COL25A1: variants seen among roughly 807,000 people sequenced by gnomAD.
COL25A1 encodes the protein collagen type XXV alpha 1 chain, also known as collagen alpha-1(XXV) chain.
In COL25A1, 103 loss-of-function variants were observed where a neutral mutation model predicts 128.4. The ratio of observed to expected loss-of-function variants is 0.80; its 90% confidence interval spans 0.68 to 0.94. The LOEUF (loss-of-function observed/expected upper bound fraction) is 0.94, where lower values mean the gene tolerates loss of function less well. Ranked by LOEUF, COL25A1 falls within the 40% of genes least tolerant of loss-of-function variation. COL25A1 has a pLI of 0.00. For synonymous variants in COL25A1, 279 were observed against 277.2 expected, an observed-to-expected ratio of 1.01 and a Z score of -0.06; for missense variants, 745 against 840.0, an observed-to-expected ratio of 0.89 and a Z score of 1.40.
At chr4:109,009,293 G>T (rs931738002) in intron 6 of COL25A1, among the ~76,000 whole-genome samples, 3 of 152,076 alleles carry the variant, frequency 2.0e-5, no homozygotes, top group African/African-American at 7.2e-5. Flanking sequence ...TGGAATACAA[G>T]AGTGAAAATC....
intron 8 of COL25A1, among the ~76,000 whole-genome samples, chr4:108,965,678 G>A (rs1289267491): frequency 2.0e-5 from 3 of 152,124 alleles, no homozygotes; most frequent in African/African-American, 4.8e-5. Flanking sequence ...CTTATGAACT[G>A]GGCAAACAAA....
chr4:109,111,102 C>T (rs1030970042), intron 3 of COL25A1, among the ~76,000 whole-genome samples: 2 of 152,172 alleles, frequency 1.3e-5, no homozygotes, highest in Non-Finnish European at 2.9e-5. Context: ...TTTTCTCTAC[C>T]TCCTCCCTGC....
intron 3 of COL25A1, among the ~76,000 whole-genome samples, chr4:109,120,735 A>G (rs1768032399): frequency 6.6e-6 from 1 of 151,862 alleles, no homozygotes; most frequent in Admixed American, 6.6e-5. Flanking sequence ...ATTGAGCCAG[A>G]GGGTGGAAGC....
intron 3 of COL25A1, among the ~76,000 whole-genome samples, chr4:109,069,736 T>C (rs1762755147): frequency 6.6e-6 from 1 of 152,136 alleles, no homozygotes; most frequent in Non-Finnish European, 1.5e-5. Flanking sequence ...AATCTTCATA[T>C]CCCTCTATGG....
At chr4:108,845,715 A>G (rs1257917105) in intron 28 of COL25A1, among the ~76,000 whole-genome samples, 2 of 152,218 alleles carry the variant, frequency 1.3e-5, no homozygotes, top group Non-Finnish European at 2.9e-5. Flanking sequence ...ATTACGGGGA[A>G]AACCATAAAA....
At chr4:108,831,793 T>C (rs535215846) in intron 32 of COL25A1, among the ~76,000 whole-genome samples, 1 of 152,034 alleles carries the variant, frequency 6.6e-6, no homozygotes, top group South Asian at 2.1e-4. Flanking sequence ...ATGTCTTTTT[T>C]CCCCCAAAAG....
chr4:109,248,177 T>A (rs775474850), intron 3 of COL25A1, among the ~76,000 whole-genome samples: 1 of 152,170 alleles, frequency 6.6e-6, no homozygotes, highest in Non-Finnish European at 1.5e-5. Context: ...TAACTACTAT[T>A]ATTCTCTAGT....
intron 8 of COL25A1, among the ~76,000 whole-genome samples, chr4:108,963,766 C>A (rs1431867852): frequency 6.6e-6 from 1 of 151,576 alleles, no homozygotes; most frequent in Non-Finnish European, 1.5e-5. Context: ...TTGTAAAAAT[C>A]CCAACAAAAG....
intron 8 of COL25A1, among the ~76,000 whole-genome samples, chr4:108,970,860 T>A (rs1751844043): frequency 6.6e-6 from 1 of 151,718 alleles, no homozygotes; most frequent in Admixed American, 6.6e-5. Context: ...GGTTCATCCA[T>A]GCTGTTGGCA....
intron 3 of COL25A1, among the ~76,000 whole-genome samples, chr4:109,153,985 C>T (rs1050825344): frequency 1.4e-4 from 22 of 152,164 alleles, no homozygotes; most frequent in African/African-American, 4.8e-4. Context: ...GACCCTTGTC[C>T]CTGAGCAATT....
chr4:109,009,125 AAAAAC>A (rs879653158), intron 6 of COL25A1, among the ~76,000 whole-genome samples: 2 of 152,218 alleles, frequency 1.3e-5, no homozygotes, highest in Non-Finnish European at 2.9e-5. Context: ...CCGTCTCAGA[AAAAAC>A]AAAACAAAAC....
At chr4:109,010,326 GA>G in intron 6 of COL25A1, 31 bp downstream of exon 6, 1 of 1,548,696 alleles carries the variant, frequency 6.5e-7, no homozygotes, top group Non-Finnish European at 8.7e-7. Flanking sequence ...ATCCTAAATT[GA>G]AAATAATTTG....
intron 5 of COL25A1, among the ~76,000 whole-genome samples, chr4:109,024,249 A>G (rs3096505): frequency 0.51 from 76,942 of 151,924 alleles, 22,184 homozygotes; most frequent in African/African-American, 0.77. Context: ...CTTACTCTGG[A>G]TTTATTGGGA....
At chr4:109,083,776 T>C (rs1244785050) in intron 3 of COL25A1, among the ~76,000 whole-genome samples, 1 of 152,134 alleles carries the variant, frequency 6.6e-6, no homozygotes, top group Non-Finnish European at 1.5e-5. Flanking sequence ...AAATAAAATA[T>C]TTTATACATA....
chr4:108,866,613 G>T (rs992706229), intron 20 of COL25A1, among the ~76,000 whole-genome samples: 2 of 152,156 alleles, frequency 1.3e-5, no homozygotes, highest in Admixed American at 1.3e-4. Flanking sequence ...TCCTCACTGT[G>T]TTGGGAATAA....
At chr4:108,941,030 C>T (rs1307831939) in intron 9 of COL25A1, among the ~76,000 whole-genome samples, 1 of 152,122 alleles carries the variant, frequency 6.6e-6, no homozygotes, top group East Asian at 1.9e-4. Context: ...AATGTGTTTA[C>T]TTTAAATTAA....
chr4:109,280,245 C>A (rs767264897), intron 3 of COL25A1, among the ~76,000 whole-genome samples: 59 of 152,180 alleles, frequency 3.9e-4, no homozygotes, highest in Non-Finnish European at 1.5e-4. Flanking sequence ...ACCTCAAATA[C>A]CCATCAACTC....
intron 3 of COL25A1, among the ~76,000 whole-genome samples, chr4:109,123,306 T>TA (rs199866850): frequency 0.033 from 4,887 of 146,904 alleles, 141 homozygotes; most frequent in South Asian, 0.13. Flanking sequence ...AGTGACTGCC[T>TA]AAAAAAAAAA....
chr4:108,859,007 A>G (rs1736850903), intron 24 of COL25A1, among the ~76,000 whole-genome samples: 1 of 152,176 alleles, frequency 6.6e-6, no homozygotes, highest in South Asian at 2.1e-4. Context: ...GAGTCTAAAC[A>G]TGAAAAGAAT....
Sources: gnomAD v4.1 joint callset for allele counts (sites outside exome capture counted in the v4.1 genomes callset) on GRCh38, gnomAD v4.1.1 for gene constraint, MANE v1.5 for transcripts, NCBI Gene and HGNC (gene_info 2026-07-23, HGNC 2026-07-21) for gene names.